Variants in ITGA8 observed in about 807,000 individuals in gnomAD.
ITGA8 encodes integrin subunit alpha 8, also known as integrin alpha-8.
Under a neutral mutation model 142.3 loss-of-function variants are expected in ITGA8, and 91 were observed. The ratio of observed to expected loss-of-function variants is 0.64; its 90% CI spans 0.54 to 0.76. ITGA8 has a LOEUF of 0.76. Among genes scored for constraint, ITGA8 ranks in the 30% least tolerant of loss-of-function variants. The pLI is 0.00. For missense variants in ITGA8, 1,406 were observed against 1,327.7 expected, an observed-to-expected ratio of 1.06 and a Z score of -0.92; for synonymous variants, 505 against 485.2, an observed-to-expected ratio of 1.04 and a Z score of -0.54.
Position 15,517,102 on chromosome 10 carries a change from C to G in ITGA8, c.*56G>C. On this transcript the variant is annotated 3_prime_UTR_variant, in exon 30 of 30. Transcript: ENST00000378076. Reference sequence around the variant, plus strand: ...TTGATTTTTAACCCTCATGTTCTTTCTTTTTCTTTGAACAGGACCAGTGTT... The same window carrying G: ...TTGATTTTTAACCCTCATGTTCTTTGTTTTTCTTTGAACAGGACCAGTGTT... The G allele has an allele frequency of 7.6e-7, 1 of 1,320,308 alleles. No homozygotes were observed. Among genetic ancestry groups the G allele is most frequent in the East Asian group, 2.4e-5 (1 of 42,542 alleles). The allele number at this position is 1,320,308 out of a possible 1,614,324, so 81.8% of individuals were successfully genotyped here.
rs113634198 is a variant in ITGA8 at position 15,529,259 on chromosome 10, G to A, written c.2982+1791C>T. Among the ~76,000 whole-genome samples, 251 of 152,228 alleles carry A rather than the reference G, an allele frequency of 1.6e-3. 2 individuals carry two copies. Among genetic ancestry groups the A allele is most frequent in the African/African-American group, 5.9e-3 (245 of 41,530 alleles). On this transcript the variant is annotated intron_variant, in intron 28 of 29. Coordinates refer to ENST00000378076, the MANE Select transcript of ITGA8 (RefSeq NM_003638.3). ...ACTTACTGGACTTAGCCAGAGAAGG[G>A]GAGACATTTTGAGAGGCTACTCTCA...
chr10:15,613,640 G>T lies in ITGA8; in HGVS notation c.1553+20C>A, dbSNP rs1833340677. On this transcript the variant is annotated intron_variant, in intron 15 of 29. Coordinates refer to ENST00000378076, the MANE Select transcript of ITGA8 (RefSeq NM_003638.3). ...GATGTGAATTCACATTGGAGTTTGA[G>T]AAGCACCGGACTAACTCACCAGGCA... The T allele has an allele frequency of 1.3e-6, 2 of 1,495,774 alleles. No individual in the cohort carries two copies. The highest frequency in any genetic ancestry group is 1.4e-5 in the African/African-American group (1 of 72,338). 92.7% of individuals were successfully genotyped at this position (1,495,774 alleles called of 1,614,324 possible). A position where few individuals can be genotyped will look rare whatever the true frequency, so the allele number is the denominator to read the frequency against.
chr10:15,719,339 C>T (rs111389143), intron 1 of ITGA8, among the ~76,000 whole-genome samples: 89 of 152,332 alleles, frequency 5.8e-4, no homozygotes, highest in African/African-American at 2.1e-3. Flanking sequence ...ACACCCAGGA[C>T]TTGCGTGTTC....
In ITGA8 at chr10:15,699,015, G is replaced by C. The variant is rs375824550; in HGVS notation, c.344-10977C>G. Among the ~76,000 whole-genome samples, 4 of 152,312 alleles carry C rather than the reference G, an allele frequency of 2.6e-5. No individual in the cohort carries two copies. In the South Asian group the frequency reaches 6.2e-4, roughly 24 times the overall value. The stretch of plus-strand genomic sequence containing the variant: ...AAAACATGGCATTTGGCTAGGCACA[G>C]TGGCTCATGCCTGTAATCCCAGCAT... On this transcript the variant is annotated intron_variant, in intron 2 of 29. Transcript: ENST00000378076.
At chr10:15,568,098 A>AT (rs1378514556) in intron 25 of ITGA8, among the ~76,000 whole-genome samples, 1 of 151,906 alleles carries the variant, frequency 6.6e-6, no homozygotes, top group Admixed American at 6.6e-5. Flanking sequence ...ATTTATTTTT[A>AT]TTTTTTGTAG....
At chr10:15,686,307 ACT>A (rs1174320526) in intron 3 of ITGA8, among the ~76,000 whole-genome samples, 2 of 152,150 alleles carry the variant, frequency 1.3e-5, no homozygotes, top group South Asian at 2.1e-4. Flanking sequence ...ATACCCCAAA[ACT>A]CTCTAACTCT....
At chr10:15,625,083 GA>G (rs879363505) in intron 13 of ITGA8, among the ~76,000 whole-genome samples, 38 of 140,588 alleles carry the variant, frequency 2.7e-4, no homozygotes, top group South Asian at 4.5e-4. Flanking sequence ...AGAAATGTTT[GA>G]AAAAAAAAAA....
chr10:15,575,779 G>A (rs1443042533), intron 23 of ITGA8, among the ~76,000 whole-genome samples, 185 bp from the exon 24 acceptor site: 2 of 152,224 alleles, frequency 1.3e-5, no homozygotes, highest in Non-Finnish European at 2.9e-5. Context: ...TGAAGGATCT[G>A]AAACTGCTAG....
chr10:15,551,972 T>C (rs2131561041), intron 26 of ITGA8, among the ~76,000 whole-genome samples: 1 of 152,110 alleles, frequency 6.6e-6, no homozygotes, highest in Middle Eastern at 3.4e-3. Context: ...TAAAATTATC[T>C]TACATCAACA....
chr10:15,672,600 A>G (rs773227086), intron 7 of ITGA8, 24 bp downstream of exon 7: 7 of 1,591,010 alleles, frequency 4.4e-6, no homozygotes, highest in Middle Eastern at 1.7e-4. Flanking sequence ...AAAAACCACA[A>G]ATGTCTTGGG....
chr10:15,669,621 GT>G (rs1290654301), intron 8 of ITGA8, among the ~76,000 whole-genome samples: 1 of 152,112 alleles, frequency 6.6e-6, no homozygotes, highest in Non-Finnish European at 1.5e-5. Context: ...GTTCTGCTCT[GT>G]TTTTTTCCCA....
At chr10:15,629,996 G>T (rs1350744813) in intron 13 of ITGA8, among the ~76,000 whole-genome samples, 1 of 151,984 alleles carries the variant, frequency 6.6e-6, no homozygotes, top group Non-Finnish European at 1.5e-5. Flanking sequence ...CTGTCTCCAG[G>T]AATGCATCCT....
At chr10:15,673,872 G>A (rs1834576310) in intron 6 of ITGA8, among the ~76,000 whole-genome samples, 5 of 152,172 alleles carry the variant, frequency 3.3e-5, no homozygotes, top group Admixed American at 2.0e-4. Context: ...TTGCCTTGGG[G>A]TAGACAAGTA....
intron 2 of ITGA8, among the ~76,000 whole-genome samples, chr10:15,691,814 T>C (rs952752856): frequency 6.6e-6 from 1 of 152,184 alleles, no homozygotes; most frequent in Admixed American, 6.5e-5. Context: ...ATTTTAAACA[T>C]TCTTAATATA....
intron 25 of ITGA8, among the ~76,000 whole-genome samples, chr10:15,560,216 C>T (rs948057826): frequency 4.6e-5 from 7 of 152,058 alleles, no homozygotes; most frequent in South Asian, 2.1e-4. Context: ...GAGTTCAAGA[C>T]TGCAGTGAGC....
chr10:15,571,568 A>AGTCAGGCCCACAGACTGGC (rs1342858210), intron 25 of ITGA8, among the ~76,000 whole-genome samples: 1 of 152,206 alleles, frequency 6.6e-6, no homozygotes, highest in African/African-American at 2.4e-5. Flanking sequence ...TGTTTGTGAA[A>AGTCAGGCCCACAGACTGGC]GTCAGGCCCA....
At chr10:15,568,653 A>C (rs920910385) in intron 25 of ITGA8, among the ~76,000 whole-genome samples, 2 of 152,198 alleles carry the variant, frequency 1.3e-5, no homozygotes, top group Middle Eastern at 3.2e-3. Flanking sequence ...TTCAGAATGC[A>C]TTTCTCTTTA....
intron 27 of ITGA8, among the ~76,000 whole-genome samples, chr10:15,538,982 C>T (rs1483331845): frequency 5.6e-5 from 7 of 124,022 alleles, no homozygotes; most frequent in Non-Finnish European, 9.8e-5. Context: ...TTTTTTTTAA[C>T]GTTTCCTTAG....
intron 5 of ITGA8, 48 bp downstream of exon 5, chr10:15,678,674 A>C: frequency 7.3e-7 from 1 of 1,367,370 alleles, no homozygotes. Context: ...CAGAGGGTAA[A>C]AAAAAATCAG....
Sources: gnomAD v4.1 joint callset for allele counts (sites outside exome capture counted in the v4.1 genomes callset) on GRCh38, gnomAD v4.1.1 for gene constraint, MANE v1.5 for transcripts, NCBI Gene and HGNC (gene_info 2026-07-23, HGNC 2026-07-21) for gene names.